ORC4: variants seen among roughly 807,000 people sequenced by gnomAD.
ORC4 encodes origin recognition complex, subunit 4 homolog.
A neutral mutation model predicts 63.9 loss-of-function variants in ORC4; 55 were observed. The observed-to-expected ratio is 0.86, with a 90% CI of 0.69 to 1.08. ORC4 has a LOEUF of 1.08. Among genes scored for constraint, ORC4 ranks in the 50% least tolerant of loss-of-function variants. The pLI is 0.00. For synonymous variants in ORC4, 150 were observed against 168.5 expected (o/e 0.89, Z 0.85); for missense variants, 511 against 504.4 (o/e 1.01, Z -0.13).
Position 148,005,586 on chromosome 2 carries a change from C to A in ORC4, c.-18+15047G>T, listed in dbSNP as rs143594356. Among the ~76,000 whole-genome samples, 85 of 119,964 alleles carry A rather than the reference C, an allele frequency of 7.1e-4. 1 individual carries two copies. The East Asian group carries it at 0.02, about 28-fold the overall frequency. The allele number at this position is 119,964 out of a possible 152,430, so 78.7% of individuals were successfully genotyped here. Reference sequence around the variant, plus strand: ...GTTTTTCCTTGCAGAGGAGGCAGAACAAGATTGCTGAAGAGAATCCCCCAG... The same window carrying A: ...GTTTTTCCTTGCAGAGGAGGCAGAAAAAGATTGCTGAAGAGAATCCCCCAG... On this transcript the variant is annotated intron_variant, in intron 1 of 13. Coordinates refer to ENST00000392857, the MANE Select transcript of ORC4 (RefSeq NM_181741.4).
intron 9 of ORC4, among the ~76,000 whole-genome samples, chr2:147,947,443 T>C (rs1688722391): frequency 6.6e-6 from 1 of 152,086 alleles, no homozygotes; most frequent in Non-Finnish European, 1.5e-5. Context: ...TTGAGAATAT[T>C]TTAAGCACAG....
At chr2:147,936,641 T>C (rs1688065903) in intron 13 of ORC4, 1 of 152,202 alleles carries the variant, frequency 6.6e-6, no homozygotes, top group South Asian at 2.1e-4. Context: ...AAGAGCTGAA[T>C]AGAACTGTGC....
intron 1 of ORC4, among the ~76,000 whole-genome samples, chr2:148,014,399 T>C (rs941947220): frequency 2.8e-4 from 42 of 152,260 alleles, no homozygotes; most frequent in African/African-American, 9.9e-4. Flanking sequence ...ACATGAATAG[T>C]GACTTGGGAC....
chr2:147,957,146 TATA>T (rs1689302258), intron 6 of ORC4, among the ~76,000 whole-genome samples: 1 of 147,674 alleles, frequency 6.8e-6, no homozygotes, highest in Non-Finnish European at 1.5e-5. Flanking sequence ...TATAATTACA[TATA>T]ATAAACTATA....
intron 6 of ORC4, among the ~76,000 whole-genome samples, 195 bp downstream of exon 6, chr2:147,958,103 A>G (rs1689364596): frequency 6.6e-6 from 1 of 152,148 alleles, no homozygotes; most frequent in Non-Finnish European, 1.5e-5. Flanking sequence ...ATAACCTACT[A>G]TGGAAAAATC....
intron 1 of ORC4, among the ~76,000 whole-genome samples, chr2:147,986,598 C>G (rs1288267921): frequency 6.6e-6 from 1 of 152,050 alleles, no homozygotes; most frequent in Non-Finnish European, 1.5e-5. Flanking sequence ...TCATACCTAG[C>G]AAAGATGTCA....
At chr2:147,999,372 T>A (rs1692167784) in intron 1 of ORC4, among the ~76,000 whole-genome samples, 1 of 152,216 alleles carries the variant, frequency 6.6e-6, no homozygotes, top group Non-Finnish European at 1.5e-5. Context: ...CCTAGCTCTC[T>A]TCTTTCACAT....
chr2:147,963,615 C>G (rs1365048323), intron 4 of ORC4, among the ~76,000 whole-genome samples: 1 of 152,170 alleles, frequency 6.6e-6, no homozygotes, highest in Non-Finnish European at 1.5e-5. Flanking sequence ...GTGAGTTGTT[C>G]CTGGCAAACA....
At chr2:148,015,635 T>C (rs1403811903) in intron 1 of ORC4, among the ~76,000 whole-genome samples, 1 of 151,776 alleles carries the variant, frequency 6.6e-6, no homozygotes, top group Non-Finnish European at 1.5e-5. Flanking sequence ...CTTAAATAAA[T>C]GTGGTTATGT....
intron 1 of ORC4, chr2:147,982,041 C>T (rs1690920671): frequency 6.6e-6 from 1 of 152,140 alleles, no homozygotes; most frequent in Admixed American, 6.5e-5. Flanking sequence ...AGCCAGGTAG[C>T]TAAGGCCTCA....
intron 4 of ORC4, among the ~76,000 whole-genome samples, chr2:147,963,861 G>GA (rs773725265): frequency 2.0e-5 from 3 of 152,008 alleles, no homozygotes; most frequent in Non-Finnish European, 2.9e-5. Flanking sequence ...GATTACAGCT[G>GA]AAAAAACTAC....
In ORC4 at chr2:147,934,789, A is replaced by ACCCTT. The variant is rs1687951596; in HGVS notation, c.*716_*720dup. ...AAATATGGTATAATCTTATGAGACC[A>ACCCTT]CCCTTTATACAATGTCATTGACCAA... On this transcript the variant is annotated 3_prime_UTR_variant, in exon 14 of 14. Coordinates refer to ENST00000392857, the MANE Select transcript of ORC4 (RefSeq NM_181741.4). 6.6e-6 allele frequency: 1 copy of ACCCTT among 152,152 alleles called. No homozygotes were observed. The allele number at this position is 152,152 out of a possible 1,614,324, so 9.4% of individuals were successfully genotyped here.
intron 4 of ORC4, among the ~76,000 whole-genome samples, chr2:147,968,512 T>C (rs1690025778): frequency 1.3e-5 from 2 of 151,996 alleles, no homozygotes. Context: ...GACATACATA[T>C]AGCCAACGAA....
intron 1 of ORC4, among the ~76,000 whole-genome samples, chr2:148,006,032 A>C (rs1025146777): frequency 6.6e-6 from 1 of 152,186 alleles, no homozygotes; most frequent in Non-Finnish European, 1.5e-5. Flanking sequence ...AAATCAGGTG[A>C]GTAATCACGG....
At chr2:147,946,388 A>G (rs912992752) in intron 9 of ORC4, among the ~76,000 whole-genome samples, 4 of 152,092 alleles carry the variant, frequency 2.6e-5, no homozygotes, top group Non-Finnish European at 5.9e-5. Flanking sequence ...TACTGGTGGA[A>G]TAAGACAATC....
At chr2:147,976,308 A>AT (rs1206912414) in intron 1 of ORC4, among the ~76,000 whole-genome samples, 1 of 152,094 alleles carries the variant, frequency 6.6e-6, no homozygotes, top group Admixed American at 6.5e-5. Flanking sequence ...GTCTGTCAGC[A>AT]TTTTTTAGCA....
intron 1 of ORC4, among the ~76,000 whole-genome samples, chr2:147,991,050 CTTTTT>C (rs34841947): frequency 7.5e-6 from 1 of 134,048 alleles, no homozygotes. Context: ...ACATATATAT[CTTTTT>C]TTTTTTTTTT....
chr2:147,964,875 T>C lies in ORC4; in HGVS notation c.226-6009A>G, dbSNP rs138190391. On this transcript the variant is annotated intron_variant, in intron 4 of 13. Transcript: ENST00000392857. ...TCAGAATATACAACAGCAGATTTCT[T>C]AAGAGAAACCTGACAGGACAGAGGG... Among the ~76,000 whole-genome samples the C allele has an allele frequency of 7.0e-3, 1,061 of 152,276 alleles. 8 individuals carry two copies. Among genetic ancestry groups the C allele is most frequent in the African/African-American group, 0.024 (997 of 41,546 alleles).
chr2:147,989,036 C>T (rs1361240818), intron 1 of ORC4, among the ~76,000 whole-genome samples: 1 of 151,962 alleles, frequency 6.6e-6, no homozygotes, highest in East Asian at 1.9e-4. Flanking sequence ...TATGTGTTGA[C>T]CTAAAAGGAA....
Sources: allele counts gnomAD v4.1 joint callset (sites outside exome capture counted in the v4.1 genomes callset), GRCh38; gene constraint gnomAD v4.1.1; transcripts MANE v1.5; gene names NCBI Gene and HGNC (gene_info 2026-07-23, HGNC 2026-07-21).